CELF4: variants seen among roughly 807,000 people sequenced by gnomAD.
CELF4 encodes the protein CUGBP Elav-like family member 4.
In CELF4, 18 loss-of-function variants were observed where a neutral mutation model predicts 59.9. That is an observed-to-expected ratio of 0.30 (90% confidence interval 0.21 to 0.45). CELF4 has a LOEUF of 0.45. CELF4 is among the 20% of genes least tolerant of loss of function. CELF4 has a pLI of 1.00. For missense variants in CELF4, 456 were observed against 689.0 expected (o/e 0.66, Z 3.79); for synonymous variants, 261 against 267.1 (o/e 0.98, Z 0.22).
chr18:37,292,247 C>A (rs1364865792), intron 3 of CELF4, among the ~76,000 whole-genome samples: 2 of 152,210 alleles, frequency 1.3e-5, no homozygotes, highest in African/African-American at 2.4e-5. Context: ...GACACTCCCA[C>A]TGAACACCTT....
chr18:37,510,135 T>C (rs2099942566), intron 1 of CELF4, among the ~76,000 whole-genome samples: 1 of 152,186 alleles, frequency 6.6e-6, no homozygotes, highest in Non-Finnish European at 1.5e-5. Flanking sequence ...AATTGTACAC[T>C]GTAATGTGGT....
chr18:37,297,963 G>C (rs1287406908), intron 3 of CELF4, among the ~76,000 whole-genome samples: 2 of 152,250 alleles, frequency 1.3e-5, no homozygotes, highest in African/African-American at 2.4e-5. Context: ...TGGGAAGCAG[G>C]AGTCCCTTGG....
At chr18:37,448,799 G>A (rs555860961) in intron 2 of CELF4, among the ~76,000 whole-genome samples, 18 of 152,318 alleles carry the variant, frequency 1.2e-4, no homozygotes, top group African/African-American at 3.8e-4. Context: ...TGAAAGTTCC[G>A]TTTGGTACTG....
In CELF4 at chr18:37,565,367, C is replaced by T. The variant is rs2099987925; in HGVS notation, c.275G>A (p.Gly92Asp). 1 of 1,575,116 alleles carries T rather than the reference C, an allele frequency of 6.3e-7. No homozygotes were observed. The highest frequency in any genetic ancestry group is 1.7e-5 in the Admixed American group (1 of 57,634). ...ELTVLKDRFT[G>D]MHKGCAFLTY... The stretch of plus-strand genomic sequence containing the variant: ...AAAGGTGTACTCACCTTTGTGCATG[C>T]CTGTGAACCTGTCCTTCAGAACCGT... The change falls in exon 1 of 13, where the codon GGC becomes GAC. Residue 92 changes from glycine (G) to aspartate (D), a missense_variant. Around this residue, in one of 7 missense-constraint regions of CELF4, gnomAD observed 63 missense variants for 110.6 expected, o/e 0.57. Coordinates refer to ENST00000420428, the MANE Select transcript of CELF4 (RefSeq NM_020180.4).
chr18:37,343,896 C>T (rs1216419082), intron 2 of CELF4, among the ~76,000 whole-genome samples: 2 of 152,198 alleles, frequency 1.3e-5, no homozygotes, highest in African/African-American at 4.8e-5. Context: ...GTACCCCTCA[C>T]CACGGCTGGT....
chr18:37,457,505 A>C (rs1394063025), intron 2 of CELF4, among the ~76,000 whole-genome samples: 1 of 152,148 alleles, frequency 6.6e-6, no homozygotes, highest in Non-Finnish European at 1.5e-5. Context: ...CAGCTGCTGA[A>C]CAAATCCAGG....
Position 37,243,244 on chromosome 18 carries a change from AAAG to A in CELF4, c.*1995_*1997del, listed in dbSNP as rs1188592901. 5 of 150,358 alleles carry A rather than the reference AAAG, an allele frequency of 3.3e-5. No individual in the cohort carries two copies. Among genetic ancestry groups the A allele is most frequent in the Non-Finnish European group, 5.9e-5 (4 of 67,722 alleles). The allele number at this position is 150,358 out of a possible 1,614,324, so 9.3% of individuals were successfully genotyped here. ...CCTAAAAGGAGGAGTCAAGAGAAAAAAAGAAAATGAAAAACAACAACAACAACA... is the reference window on the plus strand; with the variant it reads ...CCTAAAAGGAGGAGTCAAGAGAAAAAAAAATGAAAAACAACAACAACAACA... On this transcript the variant is annotated 3_prime_UTR_variant, in exon 13 of 13. Transcript: ENST00000420428.
intron 2 of CELF4, among the ~76,000 whole-genome samples, chr18:37,338,339 T>C: frequency 7.3e-6 from 1 of 136,716 alleles, no homozygotes; most frequent in South Asian, 2.5e-4. Flanking sequence ...CCACCACCAC[T>C]GTCGCTGCCA....
At chr18:37,443,660 A>G (rs754641200) in intron 2 of CELF4, among the ~76,000 whole-genome samples, 4 of 152,020 alleles carry the variant, frequency 2.6e-5, no homozygotes, top group Admixed American at 1.3e-4. Flanking sequence ...CCCTGCCCAC[A>G]TCTTCATTGG....
chr18:37,292,938 T>C (rs59108579), intron 3 of CELF4, among the ~76,000 whole-genome samples: 20 of 152,384 alleles, frequency 1.3e-4, no homozygotes, highest in African/African-American at 4.8e-4. Flanking sequence ...ATGATGGATG[T>C]GCTGGGATTT....
intron 3 of CELF4, among the ~76,000 whole-genome samples, chr18:37,306,724 G>C (rs192039643): frequency 6.6e-6 from 1 of 152,226 alleles, no homozygotes; most frequent in East Asian, 1.9e-4. Flanking sequence ...AGCGGTGAGC[G>C]GATAAAAGGA....
Position 37,312,105 on chromosome 18 carries a change from C to T in CELF4, c.448+9698G>A, listed in dbSNP as rs543667812. Among the ~76,000 whole-genome samples the T allele has an allele frequency of 2.0e-3, 229 of 113,588 alleles. 5 individuals are homozygous for T. Among genetic ancestry groups the T allele is most frequent in the Non-Finnish European group, 2.1e-3 (123 of 59,950 alleles). The allele number at this position is 113,588 out of a possible 152,430, so 74.5% of individuals were successfully genotyped here. On this transcript the variant is annotated intron_variant, in intron 3 of 12. Coordinates refer to ENST00000420428, the MANE Select transcript of CELF4 (RefSeq NM_020180.4). ...CAGCCTGGGCTACAGAGCGAGATTC[C>T]GTCTCAAAAAAAAAAAAAAAAAAAA... is the stretch of plus-strand genomic sequence containing the variant.
At chr18:37,365,419 G>A (rs572652088) in intron 2 of CELF4, among the ~76,000 whole-genome samples, 1 of 111,570 alleles carries the variant, frequency 9.0e-6, no homozygotes, top group Admixed American at 9.8e-5. Flanking sequence ...AAGGGCTGGG[G>A]TGGGACCTGG....
At chr18:37,260,893 G>A (rs7239945) in intron 10 of CELF4, among the ~76,000 whole-genome samples, 107 of 152,032 alleles carry the variant, frequency 7.0e-4, no homozygotes, top group Middle Eastern at 6.8e-3. Context: ...GCTGGGGGAC[G>A]GCGCATTCAG....
chr18:37,518,220 G>C (rs777159572), intron 1 of CELF4, among the ~76,000 whole-genome samples: 2 of 152,168 alleles, frequency 1.3e-5, no homozygotes, highest in Non-Finnish European at 2.9e-5. Flanking sequence ...CAGGCAGGCT[G>C]GTGGGCGGGC....
chr18:37,328,483 C>T (rs757444263), intron 2 of CELF4, among the ~76,000 whole-genome samples: 14 of 152,270 alleles, frequency 9.2e-5, no homozygotes, highest in East Asian at 1.9e-4. Flanking sequence ...AGATACCTGG[C>T]TCCCTGCTCA....
At chr18:37,534,970 G>A (rs2099972347) in intron 1 of CELF4, among the ~76,000 whole-genome samples, 1 of 152,202 alleles carries the variant, frequency 6.6e-6, no homozygotes, top group Non-Finnish European at 1.5e-5. Context: ...AGAAACTGAG[G>A]TGCCATGTCC....
chr18:37,379,659 C>G (rs940170838), intron 2 of CELF4, among the ~76,000 whole-genome samples: 3 of 152,070 alleles, frequency 2.0e-5, no homozygotes, highest in African/African-American at 7.2e-5. Context: ...TTTGGGACCT[C>G]AAACTGGGCT....
At chr18:37,350,712 C>T (rs1218486951) in intron 2 of CELF4, among the ~76,000 whole-genome samples, 2 of 152,206 alleles carry the variant, frequency 1.3e-5, no homozygotes, top group African/African-American at 2.4e-5. Context: ...CAGATGACCT[C>T]GCAAGGGTCC....
Sources: allele counts gnomAD v4.1 joint callset (sites outside exome capture counted in the v4.1 genomes callset), GRCh38; gene constraint gnomAD v4.1.1; regional missense constraint gnomAD v4.1.1; transcripts MANE v1.5; gene names NCBI Gene and HGNC (gene_info 2026-07-23, HGNC 2026-07-21).